The following SCTR variants were observed in gnomAD, a reference collection of about 807,000 sequenced individuals.
The protein encoded by SCTR is secretin receptor.
In SCTR, 56 loss-of-function variants were observed where a neutral mutation model predicts 60.8. The observed-to-expected ratio is 0.92, with a 90% confidence interval of 0.74 to 1.15. SCTR has a LOEUF of 1.15. Ranked by LOEUF, SCTR falls within the 50% of genes most tolerant of loss-of-function variation. The pLI is 0.00. For missense variants in SCTR, 562 were observed against 550.4 expected (o/e 1.02, Z -0.21); for synonymous variants, 202 against 217.0 (o/e 0.93, Z 0.61).
chr2:119,471,058 C>G (rs977455621), intron 4 of SCTR, among the ~76,000 whole-genome samples: 1 of 152,140 alleles, frequency 6.6e-6, no homozygotes, highest in Non-Finnish European at 1.5e-5. Context: ...GAAGAAGCCA[C>G]CAGGACAGCA....
intron 1 of SCTR, among the ~76,000 whole-genome samples, chr2:119,496,289 G>A (rs190102373): frequency 6.6e-6 from 1 of 152,288 alleles, no homozygotes; most frequent in East Asian, 1.9e-4. Context: ...AGTGAGACCA[G>A]GTATAACCTT....
chr2:119,519,836 G>A (rs10178733), intron 1 of SCTR, among the ~76,000 whole-genome samples: 107 of 117,752 alleles, frequency 9.1e-4, no homozygotes, highest in Middle Eastern at 4.6e-3. Flanking sequence ...AAGAAAAAAA[G>A]AAAAGAAAAA....
intron 1 of SCTR, among the ~76,000 whole-genome samples, chr2:119,516,964 G>C (rs1371996673): frequency 6.6e-6 from 1 of 152,058 alleles, no homozygotes; most frequent in Non-Finnish European, 1.5e-5. Context: ...GCGAAATTCT[G>C]TCTCAAAAGT....
chr2:119,463,023 G>A (rs139552539), intron 6 of SCTR, among the ~76,000 whole-genome samples: 3 of 151,950 alleles, frequency 2.0e-5, no homozygotes, highest in Non-Finnish European at 4.4e-5. Flanking sequence ...TGAGAGACAT[G>A]GATCCTACCT....
At chr2:119,513,552 T>C (rs1406994685) in intron 1 of SCTR, among the ~76,000 whole-genome samples, 1 of 152,234 alleles carries the variant, frequency 6.6e-6, no homozygotes, top group Non-Finnish European at 1.5e-5. Flanking sequence ...TGAGTCTAAG[T>C]CATCATTACA....
intron 3 of SCTR, among the ~76,000 whole-genome samples, chr2:119,474,152 GC>G (rs1470860763): frequency 3.3e-5 from 5 of 152,082 alleles, no homozygotes; most frequent in Admixed American, 2.0e-4. Flanking sequence ...GCTGCTCACT[GC>G]CCCCCACCCC....
At chr2:119,493,168 C>G (rs1678204786) in intron 2 of SCTR, among the ~76,000 whole-genome samples, 1 of 152,176 alleles carries the variant, frequency 6.6e-6, no homozygotes, top group South Asian at 2.1e-4. Flanking sequence ...CAATGTGTGT[C>G]CTTTTGTATC....
chr2:119,501,227 G>A (rs113573730), intron 1 of SCTR, among the ~76,000 whole-genome samples: 3,884 of 152,150 alleles, frequency 0.026, 170 homozygotes, highest in African/African-American at 0.089. Context: ...TGGCTAACAC[G>A]GTGAAACCCT....
intron 1 of SCTR, among the ~76,000 whole-genome samples, chr2:119,517,394 A>C (rs1679148125): frequency 6.6e-6 from 1 of 152,212 alleles, no homozygotes; most frequent in Admixed American, 6.5e-5. Context: ...TCCCAGGCTC[A>C]AGCCATCCAC....
intron 10 of SCTR, 143 bp downstream of exon 10, chr2:119,448,546 G>T: frequency 1.6e-6 from 1 of 612,380 alleles, no homozygotes; most frequent in Non-Finnish European, 2.9e-6. Context: ...CCCCGCAACC[G>T]CCCCCATGTA....
chr2:119,463,583 A>G (rs1275988770), intron 6 of SCTR, among the ~76,000 whole-genome samples: 1 of 152,160 alleles, frequency 6.6e-6, no homozygotes, highest in African/African-American at 2.4e-5. Flanking sequence ...ACCCCAATAT[A>G]TAGTTTTCTG....
chr2:119,455,071 T>C (rs1683322418), intron 7 of SCTR, among the ~76,000 whole-genome samples: 1 of 152,006 alleles, frequency 6.6e-6, no homozygotes, highest in East Asian at 1.9e-4. Flanking sequence ...TAAATCAGAT[T>C]CTATTTCTAG....
At chr2:119,450,404 C>T (rs1005335844) in intron 9 of SCTR, among the ~76,000 whole-genome samples, 3 of 152,078 alleles carry the variant, frequency 2.0e-5, no homozygotes, top group Non-Finnish European at 4.4e-5. Flanking sequence ...AGAATAACAG[C>T]GGGCTTGCTT....
At chr2:119,445,778 T>C (rs1682903320) in intron 11 of SCTR, among the ~76,000 whole-genome samples, 1 of 152,216 alleles carries the variant, frequency 6.6e-6, no homozygotes, top group Non-Finnish European at 1.5e-5. Flanking sequence ...TTGAAACAAT[T>C]GTTTTGTCTT....
At chr2:119,500,728 T>C (rs1005420799) in intron 1 of SCTR, among the ~76,000 whole-genome samples, 4 of 151,810 alleles carry the variant, frequency 2.6e-5, no homozygotes, top group Admixed American at 2.6e-4. Context: ...CTGGGAAGGG[T>C]AGGGGAGAAA....
intron 1 of SCTR, among the ~76,000 whole-genome samples, chr2:119,511,656 G>C (rs931333141): frequency 6.6e-6 from 1 of 152,102 alleles, no homozygotes; most frequent in African/African-American, 2.4e-5. Flanking sequence ...ACCCAGGCCT[G>C]CTATCTGGCT....
intron 4 of SCTR, among the ~76,000 whole-genome samples, chr2:119,467,011 A>C (rs906557097): frequency 1.1e-4 from 16 of 152,130 alleles, no homozygotes; most frequent in Non-Finnish European, 1.8e-4. Context: ...GCAGGCATTC[A>C]CTTATTCAGC....
At chr2:119,472,544 T>C (rs566409817) in intron 4 of SCTR, among the ~76,000 whole-genome samples, 1 of 152,296 alleles carries the variant, frequency 6.6e-6, no homozygotes, top group South Asian at 2.1e-4. Flanking sequence ...GGTCAGCCGA[T>C]TGCCGAAGGG....
intron 1 of SCTR, among the ~76,000 whole-genome samples, chr2:119,520,458 C>A (rs550100806): frequency 9.2e-5 from 14 of 152,314 alleles, no homozygotes; most frequent in African/African-American, 2.6e-4. Flanking sequence ...ATAATCGCAC[C>A]ATTGCACTCC....
Sources: gnomAD v4.1 joint callset for allele counts (sites outside exome capture counted in the v4.1 genomes callset) on GRCh38, gnomAD v4.1.1 for gene constraint, MANE v1.5 for transcripts, NCBI Gene and HGNC (gene_info 2026-07-23, HGNC 2026-07-21) for gene names.